Variants in CCDC32 observed in about 807,000 individuals in gnomAD.
CCDC32 encodes the protein coiled-coil domain-containing protein 32.
A neutral mutation model predicts 20.1 loss-of-function variants in CCDC32; 9 were observed. The observed-to-expected ratio is 0.45, with a 90% CI of 0.27 to 0.78. The LOEUF is 0.78. CCDC32 is among the 30% of genes least tolerant of loss of function. The pLI is 0.16. For synonymous variants in CCDC32, 63 were observed against 79.0 expected (o/e 0.80, Z 1.07); for missense variants, 204 against 215.5 (o/e 0.95, Z 0.33).
At chr15:40,527,016 T>C (rs527585052), downstream of CCDC32, among the ~76,000 whole-genome samples, 1 of 152,216 alleles carries the variant, frequency 6.6e-6, no homozygotes, top group Non-Finnish European at 1.5e-5. Context: ...AGTTATGTGA[T>C]CTCAGCTCAC....
intron 3 of CCDC32, among the ~76,000 whole-genome samples, chr15:40,542,102 A>G (rs148218043): frequency 9.8e-5 from 15 of 152,336 alleles, no homozygotes; most frequent in African/African-American, 3.4e-4. Flanking sequence ...AACTTTCTAC[A>G]CAATGCAGGA....
At position 40,553,548 on chromosome 15, in the gene CCDC32, A is replaced by G; in HGVS notation, c.*423T>C. The G allele has an allele frequency of 1.0e-6, 1 of 990,852 alleles. No individual in the cohort carries two copies. The highest frequency in any genetic ancestry group is 1.2e-6 in the Non-Finnish European group (1 of 833,316). The allele number at this position is 990,852 out of a possible 1,614,324, so 61.4% of individuals were successfully genotyped here. A position where few individuals can be genotyped will look rare whatever the true frequency, so the allele number is the denominator to read the frequency against. On this transcript the variant is annotated 3_prime_UTR_variant, in exon 4 of 4. Coordinates refer to ENST00000416810, the MANE Select transcript of CCDC32 (RefSeq NM_001080792.4). ...CCAAGGGAATGCTTGGGACACAAGC[A>G]TGAATGTCCGGAAGAGGCAAGAAAA... is the stretch of plus-strand genomic sequence containing the variant.
chr15:40,525,631 C>G (rs1566976981), downstream of CCDC32, among the ~76,000 whole-genome samples: 1 of 152,214 alleles, frequency 6.6e-6, no homozygotes, highest in East Asian at 1.9e-4. Context: ...GTCCTCTTAC[C>G]CAGACCTCAG....
At chr15:40,560,236 T>A (rs1445845461) in intron 2 of CCDC32, among the ~76,000 whole-genome samples, 1 of 152,132 alleles carries the variant, frequency 6.6e-6, no homozygotes, top group South Asian at 2.1e-4. Flanking sequence ...TCTCGATCTC[T>A]TGACCTTGTG....
At position 40,553,916 on chromosome 15, in the gene CCDC32, GT is replaced by G; in HGVS notation, c.*54del. On this transcript the variant is annotated 3_prime_UTR_variant, in exon 4 of 4. Transcript: ENST00000416810. The stretch of plus-strand genomic sequence containing the variant: ...AGACAGCTGCTCGGCGTGTGTGTGT[GT>G]GTGTGTGTGTGTGTGTGTGTGTGTG... 1 of 135,612 alleles carries G rather than the reference GT, an allele frequency of 7.4e-6. No homozygotes were observed. Among genetic ancestry groups the G allele is most frequent in the Non-Finnish European group, 9.7e-6 (1 of 102,622 alleles). 8.4% of individuals were successfully genotyped at this position (135,612 alleles called of 1,614,324 possible). A position where few individuals can be genotyped will look rare whatever the true frequency, so the allele number is the denominator to read the frequency against.
the CCDC32 span, among the ~76,000 whole-genome samples, chr15:40,521,882 G>T: frequency 6.6e-6 from 1 of 152,130 alleles, no homozygotes; most frequent in African/African-American, 2.4e-5. Context: ...TATCTGATTT[G>T]CAGATATTTT....
chr15:40,535,657 G>C (rs1889078383), downstream of CCDC32: 2 of 985,140 alleles, frequency 2.0e-6, no homozygotes, highest in Non-Finnish European at 2.4e-6. Flanking sequence ...AACACACCAG[G>C]CTCCTTGCTA....
chr15:40,546,742 C>A (rs1184851959), intron 3 of CCDC32, among the ~76,000 whole-genome samples: 2 of 148,662 alleles, frequency 1.3e-5, no homozygotes, highest in African/African-American at 5.0e-5. Flanking sequence ...TGCTCTGTTG[C>A]CCAGGCTGGA....
At chr15:40,549,073 G>A (rs927236320), downstream of CCDC32, among the ~76,000 whole-genome samples, 1 of 152,198 alleles carries the variant, frequency 6.6e-6, no homozygotes, top group South Asian at 2.1e-4. Flanking sequence ...TCGCTGCCAA[G>A]TGTGAATAAC....
At chr15:40,562,639 G>C in intron 2 of CCDC32, 133 bp downstream of exon 2, 1 of 1,052,598 alleles carries the variant, frequency 9.5e-7, no homozygotes, top group Non-Finnish European at 1.4e-6. Context: ...CTTCCCAACA[G>C]CCGGCTTGAA....
downstream of CCDC32, among the ~76,000 whole-genome samples, chr15:40,534,013 GC>G (rs1889001905): frequency 6.6e-6 from 1 of 152,198 alleles, no homozygotes; most frequent in African/African-American, 2.4e-5. Context: ...ATATAAATCA[GC>G]CCAGTTCTTT....
chr15:40,535,622 A>G (rs894860081), downstream of CCDC32: 5 of 972,286 alleles, frequency 5.1e-6, no homozygotes, highest in Non-Finnish European at 3.7e-6. Flanking sequence ...AAAAAAAAAA[A>G]GAAAAAAAAT....
chr15:40,565,013 T>C lies in CCDC32; in HGVS notation c.-50A>G. The stretch of plus-strand genomic sequence containing the variant: ...CCAGTAAACGCTTGGCTCAGCTCTG[T>C]CGCCTGTAGCCCGGAGGAAATCGGG... On this transcript the variant is annotated 5_prime_UTR_variant, in exon 1 of 4. Coordinates refer to ENST00000416810, the MANE Select transcript of CCDC32 (RefSeq NM_001080792.4). 1 of 574,714 alleles carries C rather than the reference T, an allele frequency of 1.7e-6. No homozygotes were observed. The highest frequency in any genetic ancestry group is 2.8e-5 in the East Asian group (1 of 35,690). 35.6% of individuals were successfully genotyped at this position (574,714 alleles called of 1,614,324 possible).
chr15:40,544,520 CT>C (rs1000947695), intron 3 of CCDC32, among the ~76,000 whole-genome samples: 4 of 152,172 alleles, frequency 2.6e-5, no homozygotes, highest in Admixed American at 6.5e-5. Context: ...GCGGAGCCCC[CT>C]GGCATCTATT....
At chr15:40,558,120 A>G (rs924321020) in intron 2 of CCDC32, 1 of 152,224 alleles carries the variant, frequency 6.6e-6, no homozygotes, top group Non-Finnish European at 1.5e-5. Context: ...GAAGAATACA[A>G]GAAAGGACAT....
chr15:40,526,597 A>G (rs1018047385), downstream of CCDC32, among the ~76,000 whole-genome samples: 4 of 152,210 alleles, frequency 2.6e-5, no homozygotes, highest in Non-Finnish European at 5.9e-5. Context: ...ATAGACTCCT[A>G]TAAGGGAAAC....
At chr15:40,550,444 C>T (rs1889805788), downstream of CCDC32, among the ~76,000 whole-genome samples, 1 of 152,130 alleles carries the variant, frequency 6.6e-6, no homozygotes, top group Non-Finnish European at 1.5e-5. Flanking sequence ...TGGTTAGTCC[C>T]ATTACTGAAA....
chr15:40,553,022 G>T, downstream of CCDC32: 2 of 725,648 alleles, frequency 2.8e-6, no homozygotes, highest in Non-Finnish European at 3.4e-6. Context: ...GCCTTTGCAT[G>T]CATTTGTCTT....
rs1225853327 is a variant in CCDC32, at chr15:40,553,396, G to C, written c.*575C>G. The C allele has an allele frequency of 1.5e-5, 15 of 985,312 alleles. No homozygotes were observed. The highest frequency in any genetic ancestry group is 1.8e-5 in the Non-Finnish European group (15 of 829,922). The allele number at this position is 985,312 out of a possible 1,614,324, so 61.0% of individuals were successfully genotyped here. On this transcript the variant is annotated 3_prime_UTR_variant, in exon 4 of 4. Coordinates refer to ENST00000416810, the MANE Select transcript of CCDC32 (RefSeq NM_001080792.4). The stretch of plus-strand genomic sequence containing the variant: ...TTTGTTCCACAAGGAACAAATGAGA[G>C]AAAGAAGCCCAGCCTCTCTCCCTGG...
Sources: gnomAD v4.1 joint callset for allele counts (sites outside exome capture counted in the v4.1 genomes callset) on GRCh38, gnomAD v4.1.1 for gene constraint, MANE v1.5 for transcripts, NCBI Gene and HGNC (gene_info 2026-07-23, HGNC 2026-07-21) for gene names.